Variants in STXBP4 observed in about 807,000 individuals in gnomAD.
STXBP4 encodes the protein syntaxin binding protein 4.
A neutral mutation model predicts 76.1 loss-of-function variants in STXBP4; 55 were observed. That is an observed-to-expected ratio of 0.72 (90% CI 0.58 to 0.91). The LOEUF is 0.91. Among genes scored for constraint, STXBP4 ranks in the 40% least tolerant of loss-of-function variants. The probability of loss-of-function intolerance (pLI) is 0.00; values close to 1 mark genes in which losing one functional copy is unlikely to be tolerated. For synonymous variants in STXBP4, 201 were observed against 220.2 expected (o/e 0.91, Z 0.77); for missense variants, 618 against 636.9 (o/e 0.97, Z 0.32).
Position 54,987,101 on chromosome 17 carries a change from C to T in STXBP4, c.47+835C>T, listed in dbSNP as rs187007539. On this transcript the variant is annotated intron_variant, in intron 3 of 17. Transcript: ENST00000376352. ...AAAATTCAAGGAGTGGAGATACAGACTTTGCTTTTAGTGAAAGGAAGCAGT... is the reference window on the plus strand; with the variant it reads ...AAAATTCAAGGAGTGGAGATACAGATTTTGCTTTTAGTGAAAGGAAGCAGT... Among the ~76,000 whole-genome samples, 5 of 152,272 alleles carry T rather than the reference C, an allele frequency of 3.3e-5. No homozygotes were observed. In the East Asian group the frequency reaches 9.6e-4, roughly 29 times the overall value.
chr17:55,034,345 TTAAAAA>T (rs2078561928), intron 10 of STXBP4, 86 bp downstream of exon 10: 3 of 793,190 alleles, frequency 3.8e-6, no homozygotes, highest in East Asian at 2.7e-5. Context: ...CTTTTTTCAC[TTAAAAA>T]TAGAAATAAT....
chr17:55,188,818 G>A, the STXBP4 span, among the ~76,000 whole-genome samples: 98 of 152,240 alleles, frequency 6.4e-4, no homozygotes, highest in African/African-American at 2.3e-3. Flanking sequence ...TCTTCTTTCC[G>A]TTAAAATTTC....
intron 13 of STXBP4, among the ~76,000 whole-genome samples, chr17:55,074,633 T>A (rs1195011876): frequency 6.6e-6 from 1 of 152,140 alleles, no homozygotes; most frequent in South Asian, 2.1e-4. Context: ...GTTTCTTTTT[T>A]AAGCTTGGGT....
chr17:55,058,518 A>C (rs535454111), intron 12 of STXBP4, among the ~76,000 whole-genome samples: 2 of 152,242 alleles, frequency 1.3e-5, no homozygotes, highest in South Asian at 2.1e-4. Context: ...AAATATCTAC[A>C]CTGCAAGTTT....
Position 55,106,540 on chromosome 17 carries a change from A to G in STXBP4, c.1489+25357A>G, listed in dbSNP as rs182570863. On this transcript the variant is annotated intron_variant, in intron 16 of 17. Transcript: ENST00000376352. ...GGTTATTTAGCCTGTTAGTTGATGC[A>G]GTTTCTTCATAGTGTCAATGGTCTT... Among the ~76,000 whole-genome samples the G allele has an allele frequency of 1.1e-3, 174 of 152,240 alleles. 1 individual carries two copies. Among genetic ancestry groups the G allele is most frequent in the African/African-American group, 3.8e-3 (156 of 41,532 alleles).
chr17:55,076,596 G>T (rs2079184884), intron 13 of STXBP4, among the ~76,000 whole-genome samples: 1 of 152,136 alleles, frequency 6.6e-6, no homozygotes, highest in African/African-American at 2.4e-5. Flanking sequence ...TGGCTTCAAT[G>T]TTCAGCAGTT....
At chr17:55,087,464 A>C (rs1254349192) in intron 16 of STXBP4, among the ~76,000 whole-genome samples, 1 of 152,126 alleles carries the variant, frequency 6.6e-6, no homozygotes. Context: ...ATTCATCTGC[A>C]TATGGATATC....
At chr17:55,174,633 A>G (rs1055729024), downstream of STXBP4, among the ~76,000 whole-genome samples, 1 of 152,128 alleles carries the variant, frequency 6.6e-6, no homozygotes, top group African/African-American at 2.4e-5. Flanking sequence ...TCTAAATTCA[A>G]CTTTTCCATA....
At chr17:55,018,327 AG>A (rs1434748846) in intron 8 of STXBP4, among the ~76,000 whole-genome samples, 2 of 152,162 alleles carry the variant, frequency 1.3e-5, no homozygotes, top group African/African-American at 4.8e-5. Context: ...CCGGATTGAG[AG>A]GGATGGAAGT....
chr17:55,188,259 T>C, the STXBP4 span, among the ~76,000 whole-genome samples: 1 of 152,232 alleles, frequency 6.6e-6, no homozygotes, highest in Non-Finnish European at 1.5e-5. Context: ...ACTAACTGGC[T>C]GTGTAACTCA....
intron 13 of STXBP4, 33 bp from the exon 14 acceptor site, chr17:55,078,045 T>C: frequency 7.3e-7 from 1 of 1,370,276 alleles, no homozygotes; most frequent in South Asian, 1.3e-5. Flanking sequence ...ACTGAAGAAA[T>C]GTGTAAATGC....
chr17:55,091,901 TGTA>T (rs1306107381), intron 16 of STXBP4, among the ~76,000 whole-genome samples: 1 of 152,256 alleles, frequency 6.6e-6, no homozygotes, highest in Non-Finnish European at 1.5e-5. Context: ...AATTGTATGT[TGTA>T]GTCTTGGGTC....
chr17:55,114,842 C>T (rs2079762322), intron 16 of STXBP4, among the ~76,000 whole-genome samples: 2 of 151,852 alleles, frequency 1.3e-5, no homozygotes, highest in Non-Finnish European at 2.9e-5. Context: ...TTGGGTATGA[C>T]AATCACAGTT....
chr17:55,005,566 C>G (rs2077991279), intron 7 of STXBP4, among the ~76,000 whole-genome samples: 1 of 152,198 alleles, frequency 6.6e-6, no homozygotes, highest in African/African-American at 2.4e-5. Context: ...AGTGAGAACA[C>G]ATTCCTCAGT....
intron 16 of STXBP4, among the ~76,000 whole-genome samples, chr17:55,123,814 C>T (rs902826586): frequency 9.9e-5 from 15 of 151,814 alleles, no homozygotes; most frequent in Admixed American, 8.5e-4. Flanking sequence ...GCAGGAGAAT[C>T]GCTTGAACCC....
At chr17:55,100,321 G>C (rs576984465) in intron 16 of STXBP4, among the ~76,000 whole-genome samples, 1 of 152,186 alleles carries the variant, frequency 6.6e-6, no homozygotes, top group Non-Finnish European at 1.5e-5. Context: ...ATCATGTTTA[G>C]AGACTGTGGA....
intron 16 of STXBP4, among the ~76,000 whole-genome samples, chr17:55,082,570 A>G (rs947028839): frequency 6.6e-6 from 1 of 152,146 alleles, no homozygotes; most frequent in Non-Finnish European, 1.5e-5. Context: ...AGGACCGTTC[A>G]GTGTATCCAA....
chr17:55,069,414 T>A (rs2079095398), intron 12 of STXBP4, among the ~76,000 whole-genome samples: 1 of 152,142 alleles, frequency 6.6e-6, no homozygotes, highest in Non-Finnish European at 1.5e-5. Context: ...ACTGGGAAAA[T>A]TCTGGCTCAG....
At chr17:55,212,634 T>C in the STXBP4 span, among the ~76,000 whole-genome samples, 1 of 152,222 alleles carries the variant, frequency 6.6e-6, no homozygotes, top group Non-Finnish European at 1.5e-5. Context: ...TTGCTAGCTG[T>C]TAAAAATATA....
Sources: gnomAD v4.1 joint callset for allele counts (sites outside exome capture counted in the v4.1 genomes callset) on GRCh38, gnomAD v4.1.1 for gene constraint, MANE v1.5 for transcripts, NCBI Gene and HGNC (gene_info 2026-07-23, HGNC 2026-07-21) for gene names.